ZHX3: variants seen among roughly 807,000 people sequenced by gnomAD.
ZHX3 encodes zinc fingers and homeoboxes protein 3.
ZHX3 carries 20 observed loss-of-function variants against 64.5 expected under a neutral mutation model. That is an observed-to-expected ratio of 0.31 (90% CI 0.22 to 0.45). The LOEUF is 0.45. Ranked by LOEUF, ZHX3 falls within the 20% of genes least tolerant of loss-of-function variation. ZHX3 has a pLI of 1.00. For missense variants in ZHX3, 1,041 were observed against 1,195.8 expected (o/e 0.87, Z 1.91); for synonymous variants, 423 against 461.6 (o/e 0.92, Z 1.07).
intron 1 of ZHX3, among the ~76,000 whole-genome samples, chr20:41,296,873 A>G (rs937140374): frequency 1.3e-5 from 2 of 152,202 alleles, no homozygotes; most frequent in Non-Finnish European, 2.9e-5. Context: ...TAGCCTCTTG[A>G]CACTTGATAA....
In ZHX3 at chr20:41,308,393, A is replaced by G. The variant is rs141517418; in HGVS notation, c.-245+9116T>C. ...ACTGGAATGCAACTGAGGTGCTGCT[A>G]TTCACCAGTTTGAAAGCCAGCCTTC... On this transcript the variant is annotated intron_variant, in intron 1 of 3. Transcript: ENST00000683867. Among the ~76,000 whole-genome samples, 832 of 152,314 alleles carry G rather than the reference A, an allele frequency of 5.5e-3. 4 individuals are homozygous for G. The highest frequency in any genetic ancestry group is 0.019 in the African/African-American group (804 of 41,564).
intron 1 of ZHX3, among the ~76,000 whole-genome samples, chr20:41,276,713 A>G (rs2043400161): frequency 6.6e-6 from 1 of 152,172 alleles, no homozygotes; most frequent in Admixed American, 6.5e-5. Context: ...AAGCGCCTGG[A>G]AACATGCCCT....
chr20:41,202,151 C>G lies in ZHX3; in HGVS notation c.2766G>C (p.Glu922Asp), dbSNP rs1447521960. Residue 922 changes from glutamate (E) to aspartate (D), a missense_variant, in exon 3 of 4, where the codon GAG becomes GAC. By Grantham distance (45) the Glu-to-Asp change is conservative. Around this residue, in one of 4 missense-constraint regions of ZHX3, gnomAD observed 649 missense variants for 739.8 expected, o/e 0.88. Transcript: ENST00000683867. The surrounding 1 kb of genome is among the most constrained non-coding windows in gnomAD (Gnocchi z 7.0). ...VHKGMGDTYSEVSENSESWEP... is the reference protein window; with the variant it reads ...VHKGMGDTYSDVSENSESWEP... ...CCCACGACTCACTGTTCTCAGACAC[C>G]TCTGAATAGGTGTCACCCATCCCTT... 1 of 1,614,200 alleles carries G rather than the reference C, an allele frequency of 6.2e-7. No homozygotes were observed. The highest frequency in any genetic ancestry group is 8.5e-7 in the Non-Finnish European group (1 of 1,180,028).
chr20:41,299,233 A>G (rs2044691141), intron 1 of ZHX3, among the ~76,000 whole-genome samples: 1 of 152,214 alleles, frequency 6.6e-6, no homozygotes, highest in South Asian at 2.1e-4. Context: ...CATTCTAGTT[A>G]AAGGTAAATA....
chr20:41,299,576 A>C (rs1305809305), intron 1 of ZHX3, among the ~76,000 whole-genome samples: 5 of 152,192 alleles, frequency 3.3e-5, no homozygotes, highest in Admixed American at 6.5e-5. Flanking sequence ...AAAGACAAGC[A>C]TGAGGCTAGG....
chr20:41,205,404 C>T (rs1568824472), intron 2 of ZHX3, among the ~76,000 whole-genome samples: 1 of 152,186 alleles, frequency 6.6e-6, no homozygotes. Context: ...CTGACCATGT[C>T]AGAGTGAGAA....
In ZHX3 at chr20:41,200,209, G is replaced by A. The variant is rs1163112496; in HGVS notation, c.2860+1848C>T. Among the ~76,000 whole-genome samples, 3 of 152,208 alleles carry A rather than the reference G, an allele frequency of 2.0e-5. No homozygotes were observed. The highest frequency in any genetic ancestry group is 4.4e-5 in the Non-Finnish European group (3 of 68,028). Reference sequence around the variant, plus strand: ...CTTCTGAGTCCCAAAACAGTTGCTTGAGACAATTACTGCCAGCTCAACTGC... The same window carrying A: ...CTTCTGAGTCCCAAAACAGTTGCTTAAGACAATTACTGCCAGCTCAACTGC... On this transcript the variant is annotated intron_variant, in intron 3 of 3. Transcript: ENST00000683867. The surrounding 1 kb of genome is among the most constrained non-coding windows in gnomAD (Gnocchi z 4.2).
chr20:41,203,214 A>G lies in ZHX3; in HGVS notation c.1703T>C (p.Ile568Thr), dbSNP rs1236973022. The change falls in exon 3 of 4, where the codon ATT becomes ACT. Residue 568 changes from isoleucine to threonine, a missense_variant. Ile to Thr is a moderately conservative substitution (Grantham distance 89). Around this residue, in one of 4 missense-constraint regions of ZHX3, gnomAD observed 649 missense variants for 739.8 expected, o/e 0.88. Transcript: ENST00000683867. This position sits in a 1 kb window ranked among gnomAD's most constrained non-coding sequence, Gnocchi z 7.1. Reference sequence around the variant, plus strand: ...GAAGGACACCTCTGGCACAGAGTCAATGATGATGGAACTGTGATCTCCAGG... The same window carrying G: ...GAAGGACACCTCTGGCACAGAGTCAGTGATGATGGAACTGTGATCTCCAGG... ...MIPGDHSSII[I>T]DSVPEVSFSP... 5.6e-6 allele frequency: 9 copies of G among 1,614,154 alleles called. No individual in the cohort carries two copies. Among genetic ancestry groups the G allele is most frequent in the Non-Finnish European group, 7.6e-6 (9 of 1,180,016 alleles).
chr20:41,243,345 A>C (rs1182780134), intron 2 of ZHX3, among the ~76,000 whole-genome samples: 1 of 152,194 alleles, frequency 6.6e-6, no homozygotes, highest in Non-Finnish European at 1.5e-5. Flanking sequence ...CAAGGTAATA[A>C]GAAACAGTTC....
Position 41,183,385 on chromosome 20 carries a change from G to A in ZHX3, c.*1806C>T, listed in dbSNP as rs939484342. The A allele has an allele frequency of 2.0e-5, 3 of 152,222 alleles. No homozygotes were observed. The highest frequency in any genetic ancestry group is 4.4e-5 in the Non-Finnish European group (3 of 68,048). 9.4% of individuals were successfully genotyped at this position (152,222 alleles called of 1,614,324 possible). On this transcript the variant is annotated 3_prime_UTR_variant, in exon 4 of 4. Coordinates refer to ENST00000683867, the MANE Select transcript of ZHX3 (RefSeq NM_001384317.1). The surrounding 1 kb of genome is among the most constrained non-coding windows in gnomAD (Gnocchi z 5.3). ...GCCAAGTACTCACAAGTCCCTGTTTGAGACAAATAAGATGTGGTCCCTATT... is the reference window on the plus strand; with the variant it reads ...GCCAAGTACTCACAAGTCCCTGTTTAAGACAAATAAGATGTGGTCCCTATT...
chr20:41,182,962 T>C lies in ZHX3; in HGVS notation c.*2229A>G, dbSNP rs577458611. 9 of 152,348 alleles carry C rather than the reference T, an allele frequency of 5.9e-5. No individual in the cohort carries two copies. The highest frequency in any genetic ancestry group is 2.2e-4 in the African/African-American group (9 of 41,564). 9.4% of individuals were successfully genotyped at this position (152,348 alleles called of 1,614,324 possible). On this transcript the variant is annotated 3_prime_UTR_variant, in exon 4 of 4. Coordinates refer to ENST00000683867, the MANE Select transcript of ZHX3 (RefSeq NM_001384317.1). This position sits in a 1 kb window ranked among gnomAD's most constrained non-coding sequence, Gnocchi z 6.1. ...TCTTCAGCCAGTGCATGCAGGGCTC[T>C]GGAGGTGATGCCAGCAGGATCTGGA...
chr20:41,189,458 C>G (rs2036815210), intron 3 of ZHX3, among the ~76,000 whole-genome samples: 1 of 152,114 alleles, frequency 6.6e-6, no homozygotes, highest in Admixed American at 6.5e-5. Context: ...TTAATTTTTC[C>G]AATCCATAAG....
intron 3 of ZHX3, among the ~76,000 whole-genome samples, chr20:41,192,770 T>C (rs1355569569): frequency 6.6e-6 from 1 of 152,224 alleles, no homozygotes; most frequent in East Asian, 1.9e-4. Flanking sequence ...GTAGCTGTTT[T>C]GTTCTCAGGA....
At chr20:41,218,999 G>A (rs1241504369) in intron 2 of ZHX3, among the ~76,000 whole-genome samples, 8 of 143,052 alleles carry the variant, frequency 5.6e-5, no homozygotes, top group Admixed American at 3.7e-4. Flanking sequence ...GCGCGATCTC[G>A]GCTCACTGCA....
At chr20:41,252,716 T>G (rs1222818816) in intron 2 of ZHX3, among the ~76,000 whole-genome samples, 8 of 152,160 alleles carry the variant, frequency 5.3e-5, no homozygotes, top group Non-Finnish European at 1.2e-4. Flanking sequence ...TACTTATATA[T>G]ACAATATATT....
chr20:41,279,220 T>C (rs2043546092), intron 1 of ZHX3, among the ~76,000 whole-genome samples: 1 of 152,178 alleles, frequency 6.6e-6, no homozygotes, highest in Non-Finnish European at 1.5e-5. Flanking sequence ...CTGAGTATTG[T>C]ACAACTTTGC....
intron 3 of ZHX3, among the ~76,000 whole-genome samples, chr20:41,197,784 T>C (rs1370142136): frequency 6.6e-6 from 1 of 152,194 alleles, no homozygotes; most frequent in African/African-American, 2.4e-5. Flanking sequence ...TTGTTCACAA[T>C]GTACTGTTTT....
rs772367479 is a variant in ZHX3 at position 41,202,065 on chromosome 20, C to T, written c.2852G>A (p.Arg951His). The change falls in exon 3 of 4, where the codon CGT becomes CAT. Residue 951 changes from arginine to histidine, a missense_variant. By Grantham distance (29) the Arg-to-His change is conservative. Transcript: ENST00000683867. This position sits in a 1 kb window ranked among gnomAD's most constrained non-coding sequence, Gnocchi z 7.0. ...CCCTGTGGACTCCTTACCGAGCTGA[C>T]GTCCAGCCTGGGGACTCGATGTGTC... Reference protein sequence around the residue: ...PFDTSSPQAGRQLETD With the variant: ...PFDTSSPQAGHQLETD 8.0e-5 allele frequency: 128 copies of T among 1,595,996 alleles called. No individual in the cohort carries two copies. Among genetic ancestry groups the T allele is most frequent in the Middle Eastern group, 6.7e-4 (4 of 5,982 alleles).
chr20:41,291,324 C>T (rs1364876773), intron 1 of ZHX3, among the ~76,000 whole-genome samples: 1 of 152,076 alleles, frequency 6.6e-6, no homozygotes, highest in Admixed American at 6.5e-5. Flanking sequence ...AGAAATGCTG[C>T]CAGAGAAAGG....
Sources: gnomAD v4.1 joint callset for allele counts (sites outside exome capture counted in the v4.1 genomes callset) on GRCh38, gnomAD v4.1.1 for gene constraint, gnomAD v4.1.1 regional missense constraint, Gnocchi (gnomAD v3.1) non-coding constraint, MANE v1.5 for transcripts, NCBI Gene and HGNC (gene_info 2026-07-23, HGNC 2026-07-21) for gene names.